CEMIP: variants seen among roughly 807,000 people sequenced by gnomAD.
CEMIP encodes cell migration-inducing and hyaluronan-binding protein.
Under a neutral mutation model 156.9 loss-of-function variants are expected in CEMIP, and 105 were observed. The observed-to-expected ratio is 0.67, with a 90% CI of 0.57 to 0.79. The LOEUF (loss-of-function observed/expected upper bound fraction) is 0.79. CEMIP is among the 30% of genes least tolerant of loss of function. CEMIP has a pLI of 0.00. For synonymous variants in CEMIP, 676 were observed against 668.4 expected, an observed-to-expected ratio of 1.01 and a Z score of -0.17; for missense variants, 1,457 against 1,769.4, an observed-to-expected ratio of 0.82 and a Z score of 3.17.
intron 3 of CEMIP, among the ~76,000 whole-genome samples, chr15:80,876,135 A>T (rs181863922): frequency 6.6e-6 from 1 of 152,304 alleles, no homozygotes; most frequent in East Asian, 1.9e-4. Context: ...GACCACTGGG[A>T]TCCTCAGTTG....
At position 80,932,867 on chromosome 15, in the gene CEMIP, T is replaced by C. The variant is rs1900975466; in HGVS notation, c.2794-378T>C. On this transcript the variant is annotated intron_variant, in intron 22 of 29. Transcript: ENST00000394685. This position sits in a 1 kb window ranked among gnomAD's most constrained non-coding sequence, Gnocchi z 4.5. ...GTATGTGTAAAAGTGTGTGTACCCT[T>C]TCTCATACACACATCACCCCCACCT... 6.6e-6 allele frequency among the ~76,000 whole-genome samples: 1 copy of C among 152,084 alleles called. No homozygotes were observed. Among genetic ancestry groups the C allele is most frequent in the Admixed American group, 6.5e-5 (1 of 15,276 alleles).
chr15:80,908,393 G>A (rs1899895613), intron 13 of CEMIP, among the ~76,000 whole-genome samples: 1 of 152,312 alleles, frequency 6.6e-6, no homozygotes, highest in African/African-American at 2.4e-5. Flanking sequence ...AGCATGCCAA[G>A]ACTATCCTTC....
chr15:80,803,814 T>C (rs1359782561), intron 1 of CEMIP, among the ~76,000 whole-genome samples: 1 of 152,256 alleles, frequency 6.6e-6, no homozygotes, highest in African/African-American at 2.4e-5. Flanking sequence ...TTTTCTGTTG[T>C]GGGTAAATGG....
rs1901696861 is a variant in CEMIP at position 80,949,019 on chromosome 15, C to A, written c.*95C>A. The A allele has an allele frequency of 6.5e-7, 1 of 1,531,108 alleles. No homozygotes were observed. The highest frequency in any genetic ancestry group is 9.0e-7 in the Non-Finnish European group (1 of 1,109,186). The allele number at this position is 1,531,108 out of a possible 1,614,324, so 94.8% of individuals were successfully genotyped here. A position where few individuals can be genotyped will look rare whatever the true frequency, so the allele number is the denominator to read the frequency against. Reference sequence around the variant, plus strand: ...GATGGCTGGGTCCCCCAGCCCCTGCCAGCAGCTGCCTGGGAAGGCCGTGTT... The same window carrying A: ...GATGGCTGGGTCCCCCAGCCCCTGCAAGCAGCTGCCTGGGAAGGCCGTGTT... On this transcript the variant is annotated 3_prime_UTR_variant, in exon 30 of 30. Transcript: ENST00000394685.
intron 1 of CEMIP, among the ~76,000 whole-genome samples, chr15:80,830,836 G>C (rs557593117): frequency 1.3e-5 from 2 of 152,186 alleles, no homozygotes; most frequent in East Asian, 3.9e-4. Flanking sequence ...CCTGCTTGTT[G>C]TATGACTAGG....
chr15:80,911,116 T>C (rs1900034868), intron 14 of CEMIP, among the ~76,000 whole-genome samples: 1 of 152,182 alleles, frequency 6.6e-6, no homozygotes, highest in Admixed American at 6.5e-5. Context: ...TTACCCTACA[T>C]GGTTGCTTCC....
intron 8 of CEMIP, 76 bp downstream of exon 8, chr15:80,887,840 T>G (rs1567084302): frequency 8.5e-7 from 1 of 1,183,174 alleles, no homozygotes; most frequent in Non-Finnish European, 1.2e-6. Context: ...TTTCTGAACA[T>G]CTCACTTTTC....
At position 80,950,093 on chromosome 15, in the gene CEMIP, G is replaced by C. The variant is rs150985628; in HGVS notation, c.*1169G>C. The stretch of plus-strand genomic sequence containing the variant: ...TCCACAGAAGTGAGCTCCTGCCTTA[G>C]GGCCTCATTTGCTCTTCATCCAGGG... On this transcript the variant is annotated 3_prime_UTR_variant, in exon 30 of 30. Coordinates refer to ENST00000394685, the MANE Select transcript of CEMIP (RefSeq NM_001293298.2). 187 of 152,444 alleles carry C rather than the reference G, an allele frequency of 1.2e-3. No individual in the cohort carries two copies. The highest frequency in any genetic ancestry group is 4.4e-3 in the African/African-American group (181 of 41,586). The allele number at this position is 152,444 out of a possible 1,614,324, so 9.4% of individuals were successfully genotyped here.
In CEMIP at chr15:80,873,649, T is replaced by G. The variant is rs145467417; in HGVS notation, c.-64T>G. 2.2e-3 allele frequency: 1,232 copies of G among 548,780 alleles called. 9 individuals are homozygous for G. The highest frequency in any genetic ancestry group is 0.021 in the African/African-American group (1,113 of 52,962). The allele number at this position is 548,780 out of a possible 1,614,324, so 34.0% of individuals were successfully genotyped here. On this transcript the variant is annotated 5_prime_UTR_variant, in exon 2 of 30. An upstream start codon of the reference 5' UTR is lost. Coordinates refer to ENST00000394685, the MANE Select transcript of CEMIP (RefSeq NM_001293298.2). ...AGGCAGGACAACGGTAGGATTTTCA[T>G]GCCCCGATCTGCCTGGCCTTGAGTT...
intron 1 of CEMIP, among the ~76,000 whole-genome samples, chr15:80,794,733 A>G (rs1896172337): frequency 6.6e-6 from 1 of 152,242 alleles, no homozygotes; most frequent in Non-Finnish European, 1.5e-5. Flanking sequence ...CTTAATAGCC[A>G]CAGGCGGCTA....
chr15:80,882,934 T>C (rs942816302), intron 6 of CEMIP, among the ~76,000 whole-genome samples: 2 of 151,822 alleles, frequency 1.3e-5, no homozygotes, highest in Non-Finnish European at 2.9e-5. Context: ...GCGGGTGAGG[T>C]GGTCACTGGG....
At chr15:80,793,383 G>A (rs973658362) in intron 1 of CEMIP, among the ~76,000 whole-genome samples, 1 of 152,134 alleles carries the variant, frequency 6.6e-6, no homozygotes, top group African/African-American at 2.4e-5. Flanking sequence ...ATCAACACGA[G>A]GTTAAGTCTT....
intron 1 of CEMIP, among the ~76,000 whole-genome samples, chr15:80,872,382 C>T (rs8027238): frequency 0.78 from 119,215 of 151,982 alleles, 47,215 homozygotes; most frequent in Middle Eastern, 0.89. Context: ...TCTCTCCAAG[C>T]GACATTATAG....
At position 80,951,411 on chromosome 15, in the gene CEMIP, CTTG is replaced by C. The variant is rs1260385858; in HGVS notation, c.*2490_*2492del. 1 of 152,544 alleles carries C rather than the reference CTTG, an allele frequency of 6.6e-6. No individual in the cohort carries two copies. The highest frequency in any genetic ancestry group is 2.4e-5 in the African/African-American group (1 of 41,424). The allele number at this position is 152,544 out of a possible 1,614,324, so 9.4% of individuals were successfully genotyped here. A position where few individuals can be genotyped will look rare whatever the true frequency, so the allele number is the denominator to read the frequency against. ...TCTTATTGCTTAGAAAATTGTCCTC[CTTG>C]TTATTTCTGTTTGTAAGACTTAAGT... is the stretch of plus-strand genomic sequence containing the variant. On this transcript the variant is annotated 3_prime_UTR_variant, in exon 30 of 30. Coordinates refer to ENST00000394685, the MANE Select transcript of CEMIP (RefSeq NM_001293298.2).
chr15:80,834,914 CT>C (rs1897237569), intron 1 of CEMIP, among the ~76,000 whole-genome samples: 2 of 151,922 alleles, frequency 1.3e-5, no homozygotes, highest in South Asian at 4.2e-4. Flanking sequence ...TTATTTAGGC[CT>C]TTGAAAATTT....
rs1899803743 is a variant in CEMIP at position 80,906,379 on chromosome 15, A to C, written c.1412-284A>C. On this transcript the variant is annotated intron_variant, in intron 12 of 29. Transcript: ENST00000394685. The surrounding 1 kb of genome is among the most constrained non-coding windows in gnomAD (Gnocchi z 4.3). ...GTGGCCCTGTGTCCAGCTAAAATGCAGGAGTCTAGGACTGAAAAACAGAAG... is the reference window on the plus strand; with the variant it reads ...GTGGCCCTGTGTCCAGCTAAAATGCCGGAGTCTAGGACTGAAAAACAGAAG... Among the ~76,000 whole-genome samples the C allele has an allele frequency of 6.6e-6, 1 of 152,252 alleles. No homozygotes were observed. Among genetic ancestry groups the C allele is most frequent in the Admixed American group, 6.5e-5 (1 of 15,284 alleles).
At chr15:80,856,678 G>A (rs1002019136) in intron 1 of CEMIP, among the ~76,000 whole-genome samples, 1 of 152,134 alleles carries the variant, frequency 6.6e-6, no homozygotes, top group Non-Finnish European at 1.5e-5. Context: ...CTGGCCCTGG[G>A]TAAGCACTAA....
intron 1 of CEMIP, among the ~76,000 whole-genome samples, chr15:80,819,277 G>A (rs1220174889): frequency 1.3e-5 from 2 of 152,208 alleles, no homozygotes; most frequent in Admixed American, 6.5e-5. Context: ...TAGGAGCTCA[G>A]GAAGCCATGG....
intron 7 of CEMIP, 122 bp from the exon 8 acceptor site, chr15:80,887,572 A>C: frequency 2.7e-6 from 2 of 742,526 alleles, no homozygotes; most frequent in Non-Finnish European, 2.4e-6. Flanking sequence ...ATTTCCCCCA[A>C]ACAGCAGGGA....
Sources: allele counts gnomAD v4.1 joint callset (sites outside exome capture counted in the v4.1 genomes callset), GRCh38; gene constraint gnomAD v4.1.1; non-coding constraint Gnocchi (gnomAD v3.1); transcripts MANE v1.5; gene names NCBI Gene and HGNC (gene_info 2026-07-23, HGNC 2026-07-21).